DNAJC13: variants seen among roughly 807,000 people sequenced by gnomAD.
DNAJC13 encodes DnaJ heat shock protein family (Hsp40) member C13, also known as dnaJ homolog subfamily C member 13.
Under a neutral mutation model 290.5 loss-of-function variants are expected in DNAJC13, and 75 were observed. That is an observed-to-expected ratio of 0.26 (90% CI 0.21 to 0.31). The LOEUF (loss-of-function observed/expected upper bound fraction) is 0.31. Ranked by LOEUF, DNAJC13 falls within the 10% of genes least tolerant of loss-of-function variation. The probability of loss-of-function intolerance (pLI) is 1.00; values close to 1 mark genes in which losing one functional copy is unlikely to be tolerated. For synonymous variants in DNAJC13, 862 were observed against 892.0 expected (o/e 0.97, Z 0.60); for missense variants, 2,260 against 2,674.5 (o/e 0.85, Z 3.42).
chr3:132,536,244 G>A (rs1936587093), intron 55 of DNAJC13, among the ~76,000 whole-genome samples: 1 of 152,222 alleles, frequency 6.6e-6, no homozygotes, highest in Non-Finnish European at 1.5e-5. Context: ...TGATGTGGCA[G>A]GCAACTGTAG....
At position 132,519,628 on chromosome 3, in the gene DNAJC13, G is replaced by A. The variant is rs973880441; in HGVS notation, c.5673+2812G>A. Among the ~76,000 whole-genome samples, 24 of 150,672 alleles carry A rather than the reference G, an allele frequency of 1.6e-4. 1 individual carries two copies. Among genetic ancestry groups the A allele is most frequent in the Non-Finnish European group, 4.4e-5 (3 of 67,628 alleles). ...AGGAGATCCAGTTTATTTTTTGTTT[G>A]GCTTGTTCTTTTTATGTCATATCTA... On this transcript the variant is annotated intron_variant, in intron 48 of 55. Coordinates refer to ENST00000260818, the MANE Select transcript of DNAJC13 (RefSeq NM_015268.4).
In DNAJC13 at chr3:132,435,866, C is replaced by T. The variant is rs571734074; in HGVS notation, c.68+1248C>T. 3.3e-5 allele frequency among the ~76,000 whole-genome samples: 5 copies of T among 152,226 alleles called. No homozygotes were observed. The East Asian group carries it at 5.8e-4, about 18-fold the overall frequency. ...AGAACAAACTTACTGCAATGCTTTTCGATTTGTGAGCTTGTAAGTAACTGT... is the reference window on the plus strand; with the variant it reads ...AGAACAAACTTACTGCAATGCTTTTTGATTTGTGAGCTTGTAAGTAACTGT... On this transcript the variant is annotated intron_variant, in intron 2 of 55. Transcript: ENST00000260818.
intron 48 of DNAJC13, among the ~76,000 whole-genome samples, chr3:132,522,396 AAGAC>A: frequency 6.6e-6 from 1 of 152,334 alleles, no homozygotes; most frequent in African/African-American, 2.4e-5. Flanking sequence ...AAATACTTGT[AAGAC>A]AGAGGTAGAA....
intron 29 of DNAJC13, among the ~76,000 whole-genome samples, chr3:132,485,657 C>T (rs963207807): frequency 2.0e-5 from 3 of 152,172 alleles, no homozygotes; most frequent in Admixed American, 6.5e-5. Context: ...CAGGGGTGGA[C>T]TTGGTGGTTC....
At chr3:132,425,394 A>G (rs1336351721) in intron 1 of DNAJC13, among the ~76,000 whole-genome samples, 1 of 152,148 alleles carries the variant, frequency 6.6e-6, no homozygotes. Context: ...TATTGTAAAC[A>G]TTTTCACCTA....
Position 132,433,689 on chromosome 3 carries a change from C to T in DNAJC13, c.-13-849C>T, listed in dbSNP as rs1939298265. Among the ~76,000 whole-genome samples the T allele has an allele frequency of 2.0e-5, 3 of 152,196 alleles. No individual in the cohort carries two copies. In the South Asian group the frequency reaches 6.2e-4, roughly 31 times the overall value. ...AAAAACTTTTGGAACTGGTTTGACTCTTGGAAAATGTGTTTAGGTATCCAT... is the reference window on the plus strand; with the variant it reads ...AAAAACTTTTGGAACTGGTTTGACTTTTGGAAAATGTGTTTAGGTATCCAT... On this transcript the variant is annotated intron_variant, in intron 1 of 55. Transcript: ENST00000260818.
At position 132,531,077 on chromosome 3, in the gene DNAJC13, A is replaced by C; in HGVS notation, c.6605A>C (p.Gln2202Pro). The change falls in exon 55 of 56, where the codon CAA becomes CCA. Residue 2202 changes from glutamine (Q) to proline (P), a missense_variant. Physicochemically the swap from Gln to Pro is moderately conservative, Grantham distance 76. Around this residue, in one of 3 missense-constraint regions of DNAJC13, gnomAD observed 1,494 missense variants for 1,693.7 expected, o/e 0.88. Transcript: ENST00000260818. The part of the protein sequence containing the change: ...QKHDLFISES[Q>P]TAGYLTGPGV... Reference sequence around the variant, plus strand: ...CATGATTTGTTCATTTCTGAGTCACAAACAGCAGGATACCTCACAGGTAAG... The same window carrying C: ...CATGATTTGTTCATTTCTGAGTCACCAACAGCAGGATACCTCACAGGTAAG... 6.2e-7 allele frequency: 1 copy of C among 1,614,100 alleles called. No homozygotes were observed. Among genetic ancestry groups the C allele is most frequent in the Non-Finnish European group, 8.5e-7 (1 of 1,179,956 alleles).
intron 31 of DNAJC13, among the ~76,000 whole-genome samples, chr3:132,490,497 A>G (rs1283139253): frequency 1.3e-5 from 2 of 152,146 alleles, no homozygotes; most frequent in Non-Finnish European, 2.9e-5. Context: ...TTATTTTTGA[A>G]AACAGAAGCA....
intron 39 of DNAJC13, 148 bp downstream of exon 39, chr3:132,501,061 C>G (rs571207997): frequency 9.3e-6 from 10 of 1,075,060 alleles, no homozygotes; most frequent in African/African-American, 1.6e-5. Context: ...TTCACAGAAG[C>G]CTTGCTGTAA....
intron 12 of DNAJC13, 94 bp from the exon 13 acceptor site, chr3:132,457,175 A>T: frequency 1.2e-6 from 1 of 819,516 alleles, no homozygotes; most frequent in Non-Finnish European, 1.9e-6. Flanking sequence ...TTGTTCCAGT[A>T]GTGCAATGGA....
At chr3:132,508,505 T>C (rs1935665137) in intron 43 of DNAJC13, among the ~76,000 whole-genome samples, 1 of 152,226 alleles carries the variant, frequency 6.6e-6, no homozygotes, top group African/African-American at 2.4e-5. Flanking sequence ...AAGCCAGTGC[T>C]CATTTACCCT....
chr3:132,469,031 TAA>T (rs1426133370), intron 20 of DNAJC13, among the ~76,000 whole-genome samples: 1 of 152,216 alleles, frequency 6.6e-6, no homozygotes, highest in African/African-American at 2.4e-5. Context: ...ATTTTTAATA[TAA>T]AAGTTTTACT....
chr3:132,431,432 A>G (rs1939236752), intron 1 of DNAJC13, among the ~76,000 whole-genome samples: 1 of 152,296 alleles, frequency 6.6e-6, no homozygotes, highest in African/African-American at 2.4e-5. Context: ...CAAGATGTTT[A>G]GGGTCGGCAT....
At chr3:132,485,698 C>A (rs1934846730) in intron 29 of DNAJC13, among the ~76,000 whole-genome samples, 1 of 152,228 alleles carries the variant, frequency 6.6e-6, no homozygotes, top group South Asian at 2.1e-4. Flanking sequence ...AGCAGTCTTA[C>A]TAACTTCTGC....
Position 132,450,818 on chromosome 3 carries a change from T to C in DNAJC13, c.508T>C (p.Cys170Arg). 6.3e-7 allele frequency: 1 copy of C among 1,595,550 alleles called. No homozygotes were observed. Reference protein sequence around the residue: ...VDLSDYQGGFCILYGGFSRLH... With the variant: ...VDLSDYQGGFRILYGGFSRLH... ...TCTCTCAGATTATCAAGGAGGATTT[T>C]GTATACTTTATGGAGGATTTAGTAG... The change falls in exon 6 of 56, where the codon TGT becomes CGT. Residue 170 changes from cysteine (C) to arginine (R), a missense_variant. By Grantham distance (180) the Cys-to-Arg change is radical. This residue lies in a region of DNAJC13 where 762 missense variants were observed against 964.1 expected (regional missense o/e 0.79). Transcript: ENST00000260818.
chr3:132,419,443 T>C (rs1938892777), intron 1 of DNAJC13, among the ~76,000 whole-genome samples: 1 of 152,260 alleles, frequency 6.6e-6, no homozygotes, highest in Non-Finnish European at 1.5e-5. Context: ...AATTTAACTT[T>C]ATCCACAAAT....
intron 6 of DNAJC13, among the ~76,000 whole-genome samples, chr3:132,451,311 A>G (rs1576467094): frequency 6.6e-6 from 1 of 152,154 alleles, no homozygotes; most frequent in Non-Finnish European, 1.5e-5. Context: ...AAAGGAAAAA[A>G]AAATGAAAAA....
At chr3:132,489,057 G>A (rs753224121) in intron 31 of DNAJC13, 36 bp downstream of exon 31, 1 of 1,579,906 alleles carries the variant, frequency 6.3e-7, no homozygotes, top group Non-Finnish European at 8.7e-7. Context: ...CTTAACCCTG[G>A]GTAAGCTGTT....
At chr3:132,431,344 A>G (rs915218217) in intron 1 of DNAJC13, among the ~76,000 whole-genome samples, 1 of 152,152 alleles carries the variant, frequency 6.6e-6, no homozygotes, top group Admixed American at 6.5e-5. Context: ...AAACAAGAGT[A>G]AGAGGGAATA....
Sources: gnomAD v4.1 joint callset for allele counts (sites outside exome capture counted in the v4.1 genomes callset) on GRCh38, gnomAD v4.1.1 for gene constraint, gnomAD v4.1.1 regional missense constraint, MANE v1.5 for transcripts, NCBI Gene and HGNC (gene_info 2026-07-23, HGNC 2026-07-21) for gene names.